NKAPD1: variants seen among roughly 807,000 people sequenced by gnomAD.
NKAPD1 encodes the protein NKAP domain containing 1, also known as uncharacterized protein NKAPD1.
A neutral mutation model predicts 30.9 loss-of-function variants in NKAPD1; 12 were observed. That is an observed-to-expected ratio of 0.39 (90% CI 0.25 to 0.63). NKAPD1 has a LOEUF of 0.63. NKAPD1 is among the 20% of genes least tolerant of loss of function. NKAPD1 has a pLI of 0.51. For missense variants in NKAPD1, 311 were observed against 344.5 expected, an observed-to-expected ratio of 0.90 and a Z score of 0.77; for synonymous variants, 91 against 113.6, an observed-to-expected ratio of 0.80 and a Z score of 1.26.
rs754100691 is a variant in NKAPD1 at position 112,080,537 on chromosome 11, A to G, written c.299A>G (p.Tyr100Cys). The G allele has an allele frequency of 2.1e-5, 34 of 1,613,918 alleles. No homozygotes were observed. In the South Asian group the frequency reaches 3.7e-4, roughly 18 times the overall value. The change falls in exon 4 of 6, where the codon TAT becomes TGT. Residue 100 changes from tyrosine (Y) to cysteine (C), a missense_variant. Tyr to Cys is a radical substitution (Grantham distance 194). Coordinates refer to ENST00000393047, the MANE Select transcript of NKAPD1 (RefSeq NM_018195.4). ...AKSWNKKFYD[Y>C]EANMPDRWGH... Reference sequence around the variant, plus strand: ...TCCTGGAATAAAAAGTTCTATGATTATGAAGCAAACATGCCAGACAGGTTT... The same window carrying G: ...TCCTGGAATAAAAAGTTCTATGATTGTGAAGCAAACATGCCAGACAGGTTT...
At chr11:112,080,296 T>A in intron 3 of NKAPD1, 113 bp from the exon 4 acceptor site, 27 of 849,664 alleles carry the variant, frequency 3.2e-5, no homozygotes, top group Non-Finnish European at 4.6e-5. Context: ...TTAAACAGTA[T>A]CATGTTGTTT....
chr11:112,083,195 G>T lies in NKAPD1; in HGVS notation c.*223G>T, dbSNP rs1865499237. On this transcript the variant is annotated 3_prime_UTR_variant, in exon 6 of 6. Coordinates refer to ENST00000393047, the MANE Select transcript of NKAPD1 (RefSeq NM_018195.4). ...TTTTGTTATGAAGGTTTCTTGAAGA[G>T]ATTATTTTTTTTTGCAATTAATTAC... 2.4e-6 allele frequency: 1 copy of T among 419,556 alleles called. No individual in the cohort carries two copies. The highest frequency in any genetic ancestry group is 3.6e-5 in the East Asian group (1 of 27,868). 26.0% of individuals were successfully genotyped at this position (419,556 alleles called of 1,614,324 possible).
At chr11:112,079,941 T>C (rs1178116693) in intron 3 of NKAPD1, among the ~76,000 whole-genome samples, 11 of 152,154 alleles carry the variant, frequency 7.2e-5, no homozygotes, top group Admixed American at 2.0e-4. Context: ...GCCTTCCAAG[T>C]AGCTGGGACT....
At chr11:112,081,677 G>T in intron 4 of NKAPD1, 1 of 284,694 alleles carries the variant, frequency 3.5e-6, no homozygotes, top group South Asian at 3.8e-5. Flanking sequence ...ATGATATTAT[G>T]AAGTGTTTTT....
At position 112,074,395 on chromosome 11, in the gene NKAPD1, C is replaced by T. The variant is rs1865259630; in HGVS notation, c.-530C>T. On this transcript the variant is annotated 5_prime_UTR_variant, in exon 1 of 6. Transcript: ENST00000393047. ...TTTGTGTGTATTTGTGTGGGGAGGG[C>T]GTTTGGAGGGAAGGTTACCGGGAGC... 1 of 399,152 alleles carries T rather than the reference C, an allele frequency of 2.5e-6. No homozygotes were observed. Among genetic ancestry groups the T allele is most frequent in the East Asian group, 3.6e-5 (1 of 28,076 alleles). 24.7% of individuals were successfully genotyped at this position (399,152 alleles called of 1,614,324 possible). A position where few individuals can be genotyped will look rare whatever the true frequency, so the allele number is the denominator to read the frequency against.
Position 112,084,124 on chromosome 11 carries a change from T to C in NKAPD1, c.*1152T>C, listed in dbSNP as rs1865523595. 6.6e-6 allele frequency: 1 copy of C among 152,650 alleles called. No individual in the cohort carries two copies. The highest frequency in any genetic ancestry group is 2.4e-5 in the African/African-American group (1 of 41,448). The allele number at this position is 152,650 out of a possible 1,614,324, so 9.5% of individuals were successfully genotyped here. A position where few individuals can be genotyped will look rare whatever the true frequency, so the allele number is the denominator to read the frequency against. ...TCACTTAATGGGCTGAGTAAAAAGC[T>C]TGAAAACTCAGACTTTCGGTCTTGG... On this transcript the variant is annotated 3_prime_UTR_variant, in exon 6 of 6. Coordinates refer to ENST00000393047, the MANE Select transcript of NKAPD1 (RefSeq NM_018195.4).
chr11:112,076,850 TAAAG>T (rs1865340417), intron 2 of NKAPD1, among the ~76,000 whole-genome samples: 2 of 152,068 alleles, frequency 1.3e-5, no homozygotes, highest in African/African-American at 4.8e-5. Context: ...TTAATTGAGA[TAAAG>T]AACAAAAAAT....
chr11:112,085,024 A>C lies in NKAPD1; in HGVS notation c.*2052A>C. The C allele has an allele frequency of 7.1e-6, 2 of 280,114 alleles. No individual in the cohort carries two copies. The allele number at this position is 280,114 out of a possible 1,614,324, so 17.4% of individuals were successfully genotyped here. A position where few individuals can be genotyped will look rare whatever the true frequency, so the allele number is the denominator to read the frequency against. Reference sequence around the variant, plus strand: ...TTTATTTCTAGTGTTCCTGCCAATCAGAGATCTCTATATTAAATTCTAAAA... The same window carrying C: ...TTTATTTCTAGTGTTCCTGCCAATCCGAGATCTCTATATTAAATTCTAAAA... On this transcript the variant is annotated 3_prime_UTR_variant, in exon 6 of 6. Transcript: ENST00000393047.
chr11:112,085,064 G>T lies in NKAPD1; in HGVS notation c.*2092G>T. The T allele has an allele frequency of 5.1e-6, 2 of 392,526 alleles. No individual in the cohort carries two copies. Among genetic ancestry groups the T allele is most frequent in the Non-Finnish European group, 4.6e-6 (1 of 219,104 alleles). 24.3% of individuals were successfully genotyped at this position (392,526 alleles called of 1,614,324 possible). On this transcript the variant is annotated 3_prime_UTR_variant, in exon 6 of 6. Transcript: ENST00000393047. ...AAATTCTAAAATGGGATTAAAAGAA[G>T]AGTTGGAGAATTCACACTTATTGAG...
At chr11:112,079,052 A>T (rs1865389064) in intron 3 of NKAPD1, among the ~76,000 whole-genome samples, 1 of 151,608 alleles carries the variant, frequency 6.6e-6, no homozygotes, top group Non-Finnish European at 1.5e-5. Context: ...AAATACTTAA[A>T]CTCTTTAGGA....
In NKAPD1 at chr11:112,074,335, C is replaced by A. The variant is rs573820019; in HGVS notation, c.-590C>A. 122 of 399,264 alleles carry A rather than the reference C, an allele frequency of 3.1e-4. 1 individual carries two copies. The highest frequency in any genetic ancestry group is 1.4e-4 in the East Asian group (4 of 28,082). The allele number at this position is 399,264 out of a possible 1,614,324, so 24.7% of individuals were successfully genotyped here. A position where few individuals can be genotyped will look rare whatever the true frequency, so the allele number is the denominator to read the frequency against. Reference sequence around the variant, plus strand: ...AAACCACTTCTTCCCCCCTACCCCCCGCCACGCGAGGCTGCGGCGCACGGT... The same window carrying A: ...AAACCACTTCTTCCCCCCTACCCCCAGCCACGCGAGGCTGCGGCGCACGGT... On this transcript the variant is annotated 5_prime_UTR_variant, in exon 1 of 6. Coordinates refer to ENST00000393047, the MANE Select transcript of NKAPD1 (RefSeq NM_018195.4).
chr11:112,079,765 A>G (rs936913642), intron 3 of NKAPD1, among the ~76,000 whole-genome samples: 6 of 151,748 alleles, frequency 4.0e-5, no homozygotes, highest in South Asian at 2.1e-4. Flanking sequence ...TCATCTCTCT[A>G]TGCTTTGCAA....
At chr11:112,081,701 ATAGC>A (rs1865457478) in intron 4 of NKAPD1, 1 of 328,728 alleles carries the variant, frequency 3.0e-6, no homozygotes, top group African/African-American at 2.2e-5. Context: ...AAAGTGCTTC[ATAGC>A]TAAAGAGCAG....
At position 112,083,095 on chromosome 11, in the gene NKAPD1, T is replaced by C; in HGVS notation, c.*123T>C. ...TCAGAGCTGTCTTGTGCCATCTGTATGTTCTGACAGACGTCTTGTCTTCTA... is the reference window on the plus strand; with the variant it reads ...TCAGAGCTGTCTTGTGCCATCTGTACGTTCTGACAGACGTCTTGTCTTCTA... On this transcript the variant is annotated 3_prime_UTR_variant, in exon 6 of 6. Transcript: ENST00000393047. 3.0e-6 allele frequency: 3 copies of C among 988,676 alleles called. No individual in the cohort carries two copies. Among genetic ancestry groups the C allele is most frequent in the Non-Finnish European group, 4.2e-6 (3 of 707,760 alleles). The allele number at this position is 988,676 out of a possible 1,614,324, so 61.2% of individuals were successfully genotyped here.
Position 112,074,407 on chromosome 11 carries a change from A to G in NKAPD1, c.-518A>G. On this transcript the variant is annotated 5_prime_UTR_variant, in exon 1 of 6. Transcript: ENST00000393047. ...TGTGTGGGGAGGGCGTTTGGAGGGA[A>G]GGTTACCGGGAGCTCCGAGGCCGCT... 2.5e-6 allele frequency: 1 copy of G among 399,168 alleles called. No individual in the cohort carries two copies. Among genetic ancestry groups the G allele is most frequent in the Non-Finnish European group, 4.4e-6 (1 of 226,176 alleles). The allele number at this position is 399,168 out of a possible 1,614,324, so 24.7% of individuals were successfully genotyped here. A position where few individuals can be genotyped will look rare whatever the true frequency, so the allele number is the denominator to read the frequency against.
At chr11:112,077,819 T>C (rs1026166082) in intron 2 of NKAPD1, among the ~76,000 whole-genome samples, 4 of 152,016 alleles carry the variant, frequency 2.6e-5, no homozygotes, top group African/African-American at 4.8e-5. Context: ...ATTAGTCAGA[T>C]TGTATTTTCA....
At chr11:112,082,418 G>A (rs370201256) in intron 5 of NKAPD1, 47 bp from the exon 6 acceptor site, 13 of 1,381,116 alleles carry the variant, frequency 9.4e-6, no homozygotes, top group South Asian at 3.5e-5. Context: ...AAAATAATAC[G>A]CTTTTTTTTT....
intron 2 of NKAPD1, among the ~76,000 whole-genome samples, chr11:112,077,811 T>C (rs1156799503): frequency 6.6e-6 from 1 of 151,976 alleles, no homozygotes; most frequent in Non-Finnish European, 1.5e-5. Context: ...GCCCAATAAT[T>C]AGTCAGATTG....
intron 2 of NKAPD1, 183 bp downstream of exon 2, chr11:112,075,826 A>T (rs1370718052): frequency 4.8e-6 from 3 of 619,492 alleles, no homozygotes; most frequent in Non-Finnish European, 8.2e-6. Context: ...TTTGATAAGT[A>T]CTGTATAACA....
Sources: allele counts gnomAD v4.1 joint callset (sites outside exome capture counted in the v4.1 genomes callset), GRCh38; gene constraint gnomAD v4.1.1; transcripts MANE v1.5; gene names NCBI Gene and HGNC (gene_info 2026-07-23, HGNC 2026-07-21).